Variants in XXYLT1 observed in about 807,000 individuals in gnomAD.
XXYLT1 encodes the protein xyloside xylosyltransferase 1, also known as UDP-xylose:alpha-xyloside alpha-1,3-xylosyltransferase.
XXYLT1 carries 20 observed loss-of-function variants against 28.9 expected under a neutral mutation model. The observed-to-expected ratio is 0.69, with a 90% CI of 0.49 to 1.00. XXYLT1 has a LOEUF of 1.00. Among genes scored for constraint, XXYLT1 ranks in the 50% least tolerant of loss-of-function variants. The probability of loss-of-function intolerance (pLI) is 0.00; values close to 1 mark genes in which losing one functional copy is unlikely to be tolerated. For missense variants in XXYLT1, 542 were observed against 560.1 expected, an observed-to-expected ratio of 0.97 and a Z score of 0.33; for synonymous variants, 257 against 253.8, an observed-to-expected ratio of 1.01 and a Z score of -0.12.
chr3:195,179,935 C>T (rs1721866235), intron 2 of XXYLT1, among the ~76,000 whole-genome samples: 1 of 152,206 alleles, frequency 6.6e-6, no homozygotes, highest in Admixed American at 6.5e-5. Context: ...CCCCGTGATC[C>T]CTCGGGCCTT....
intron 3 of XXYLT1, among the ~76,000 whole-genome samples, chr3:195,117,139 A>ACACACACAC: frequency 6.8e-6 from 1 of 146,360 alleles, no homozygotes; most frequent in East Asian, 2.1e-4. Context: ...ACACACACAC[A>ACACACACAC]CACATCCCCT....
rs1218430870 is a variant in XXYLT1, at chr3:195,157,967, C to T, written c.653-1386G>A. The stretch of plus-strand genomic sequence containing the variant: ...GGGAAATAGCTTATGGACAGTGTTA[C>T]AGGGATCCTAGAGACCTTGAGGAAC... On this transcript the variant is annotated intron_variant, in intron 2 of 3. Coordinates refer to ENST00000310380, the MANE Select transcript of XXYLT1 (RefSeq NM_152531.5). Among the ~76,000 whole-genome samples the T allele has an allele frequency of 2.0e-5, 3 of 152,192 alleles. No individual in the cohort carries two copies. In the East Asian group the frequency reaches 5.8e-4, roughly 29 times the overall value.
In XXYLT1 at chr3:195,168,126, G is replaced by A. The variant is rs1480666374; in HGVS notation, c.653-11545C>T. ...CCCTGGGATAGAGCCGTGGCTCACCGGCCTGGCTATGGCACTGCGTCCAAC... is the reference window on the plus strand; with the variant it reads ...CCCTGGGATAGAGCCGTGGCTCACCAGCCTGGCTATGGCACTGCGTCCAAC... On this transcript the variant is annotated intron_variant, in intron 2 of 3. Transcript: ENST00000310380. This position sits in a 1 kb window ranked among gnomAD's most constrained non-coding sequence, Gnocchi z 4.3. Among the ~76,000 whole-genome samples the A allele has an allele frequency of 2.0e-5, 3 of 152,118 alleles. No homozygotes were observed. Among genetic ancestry groups the A allele is most frequent in the East Asian group, 3.9e-4 (2 of 5,192 alleles).
Position 195,150,162 on chromosome 3 carries a change from G to A in XXYLT1, c.785+6287C>T, listed in dbSNP as rs949522164. Reference sequence around the variant, plus strand: ...ATAACGCTGCCACCACCACCCAGGAGTGCTGCTCGTGCTAGGCACCATAAA... The same window carrying A: ...ATAACGCTGCCACCACCACCCAGGAATGCTGCTCGTGCTAGGCACCATAAA... On this transcript the variant is annotated intron_variant, in intron 3 of 3. Coordinates refer to ENST00000310380, the MANE Select transcript of XXYLT1 (RefSeq NM_152531.5). This position sits in a 1 kb window ranked among gnomAD's most constrained non-coding sequence, Gnocchi z 4.7. Among the ~76,000 whole-genome samples, 1 of 139,522 alleles carries A rather than the reference G, an allele frequency of 7.2e-6. No homozygotes were observed. The highest frequency in any genetic ancestry group is 1.5e-5 in the Non-Finnish European group (1 of 65,374). The allele number at this position is 139,522 out of a possible 152,430, so 91.5% of individuals were successfully genotyped here.
intron 3 of XXYLT1, among the ~76,000 whole-genome samples, chr3:195,118,873 G>GA (rs1450457714): frequency 6.6e-6 from 1 of 152,176 alleles, no homozygotes; most frequent in East Asian, 1.9e-4. Flanking sequence ...CCTGAAGGAG[G>GA]AATCTTCAGT....
chr3:195,161,478 C>A (rs1720867314), intron 2 of XXYLT1, among the ~76,000 whole-genome samples: 1 of 152,032 alleles, frequency 6.6e-6, no homozygotes, highest in East Asian at 1.9e-4. Context: ...CCAACCATGA[C>A]CACCTCCCAC....
chr3:195,099,961 AT>A (rs1339272654), intron 3 of XXYLT1, among the ~76,000 whole-genome samples: 1 of 152,202 alleles, frequency 6.6e-6, no homozygotes, highest in Non-Finnish European at 1.5e-5. Flanking sequence ...TGGGCACAAA[AT>A]GGAGGGAGAA....
intron 3 of XXYLT1, among the ~76,000 whole-genome samples, chr3:195,099,830 C>CAAAAAAAAAAAAAAAAAAAAAA (rs35428286): frequency 2.1e-5 from 2 of 97,228 alleles, no homozygotes; most frequent in African/African-American, 6.9e-5. Flanking sequence ...GACTCTGTCT[C>CAAAAAAAAAAAAAAAAAAAAAA]AAAAAAAAAA....
At chr3:195,112,427 T>C (rs924341960) in intron 3 of XXYLT1, among the ~76,000 whole-genome samples, 28 of 113,096 alleles carry the variant, frequency 2.5e-4, no homozygotes, top group African/African-American at 6.7e-4. Context: ...CACACACACA[T>C]GCACACACAC....
chr3:195,157,017 G>A (rs1720633032), intron 2 of XXYLT1, among the ~76,000 whole-genome samples: 1 of 152,030 alleles, frequency 6.6e-6, no homozygotes, highest in Admixed American at 6.6e-5. Flanking sequence ...GGCCGAGGCG[G>A]GTAGATCACG....
intron 2 of XXYLT1, among the ~76,000 whole-genome samples, chr3:195,185,193 G>A (rs1172521176): frequency 1.3e-5 from 2 of 152,004 alleles, no homozygotes; most frequent in Non-Finnish European, 2.9e-5. Context: ...AGGAACAGAG[G>A]GTGCTGGAGA....
At chr3:195,143,843 GATATATATATAGATAT>G (rs1184751618) in intron 3 of XXYLT1, among the ~76,000 whole-genome samples, 4 of 89,408 alleles carry the variant, frequency 4.5e-5, no homozygotes, top group African/African-American at 9.1e-5. Context: ...TATAGATATA[GATATATATATAGATAT>G]ATATAGATAT....
Position 195,068,940 on chromosome 3 carries a change from G to A in XXYLT1, c.*775C>T, listed in dbSNP as rs149900316. On this transcript the variant is annotated 3_prime_UTR_variant, in exon 4 of 4. Coordinates refer to ENST00000310380, the MANE Select transcript of XXYLT1 (RefSeq NM_152531.5). ...CAGTTCTCCTGCATGTCCTTGTGGT[G>A]GCCAGTCTCTGTTCTTTGATGACGA... 8 of 152,238 alleles carry A rather than the reference G, an allele frequency of 5.3e-5. No individual in the cohort carries two copies. The highest frequency in any genetic ancestry group is 1.9e-4 in the African/African-American group (8 of 41,542). 9.4% of individuals were successfully genotyped at this position (152,238 alleles called of 1,614,324 possible).
intron 1 of XXYLT1, chr3:195,259,557 GAGAGGCCTCCCGCCCCAGGTAC>G: frequency 1.0e-6 from 1 of 985,364 alleles, no homozygotes; most frequent in Non-Finnish European, 1.2e-6. Context: ...TCCTCCCAGG[GAGAGGCCTCCCGCCCCAGGTAC>G]AGGCCTGGGA....
chr3:195,255,844 A>G lies in XXYLT1; in HGVS notation c.504+14711T>C, dbSNP rs185821743. On this transcript the variant is annotated intron_variant, in intron 1 of 3. Coordinates refer to ENST00000310380, the MANE Select transcript of XXYLT1 (RefSeq NM_152531.5). This position sits in a 1 kb window ranked among gnomAD's most constrained non-coding sequence, Gnocchi z 4.5. ...AGGACCAGAGTCTGGACTCCCTCCA[A>G]CCCAGACCTCTTCTGCAGCTAAATG... Among the ~76,000 whole-genome samples, 158 of 152,048 alleles carry G rather than the reference A, an allele frequency of 1.0e-3. 1 individual carries two copies. Among genetic ancestry groups the G allele is most frequent in the African/African-American group, 3.6e-3 (149 of 41,498 alleles).
At chr3:195,109,520 G>T (rs1372935375) in intron 3 of XXYLT1, among the ~76,000 whole-genome samples, 4 of 147,214 alleles carry the variant, frequency 2.7e-5, no homozygotes, top group Non-Finnish European at 1.5e-5. Flanking sequence ...GTATGAGTGT[G>T]CATGTGTGTG....
intron 2 of XXYLT1, among the ~76,000 whole-genome samples, chr3:195,160,494 G>A (rs1720817301): frequency 6.6e-6 from 1 of 152,232 alleles, no homozygotes; most frequent in East Asian, 1.9e-4. Flanking sequence ...CTGAGGCTGA[G>A]GACCTGGAAG....
At position 195,069,609 on chromosome 3, in the gene XXYLT1, C is replaced by T; in HGVS notation, c.*106G>A. ...CTCAGCACCTTAATCACAGGACTTC[C>T]CTGCGGTGTCTCTCTAGCGGGTCAG... is the stretch of plus-strand genomic sequence containing the variant. On this transcript the variant is annotated 3_prime_UTR_variant, in exon 4 of 4. Transcript: ENST00000310380. The T allele has an allele frequency of 1.4e-6, 2 of 1,459,868 alleles. No homozygotes were observed. The highest frequency in any genetic ancestry group is 2.3e-5 in the East Asian group (1 of 43,876). 90.4% of individuals were successfully genotyped at this position (1,459,868 alleles called of 1,614,324 possible). A position where few individuals can be genotyped will look rare whatever the true frequency, so the allele number is the denominator to read the frequency against.
chr3:195,182,997 C>A (rs1004553471), intron 2 of XXYLT1, among the ~76,000 whole-genome samples: 4 of 152,210 alleles, frequency 2.6e-5, no homozygotes, highest in Non-Finnish European at 5.9e-5. Flanking sequence ...CATCTCCTTT[C>A]TTTTCTATAA....
Sources: allele counts gnomAD v4.1 joint callset (sites outside exome capture counted in the v4.1 genomes callset), GRCh38; gene constraint gnomAD v4.1.1; non-coding constraint Gnocchi (gnomAD v3.1); transcripts MANE v1.5; gene names NCBI Gene and HGNC (gene_info 2026-07-23, HGNC 2026-07-21).